RAB27B: variants seen among roughly 807,000 people sequenced by gnomAD.
The protein encoded by RAB27B is RAB27B, member RAS oncogene family, also known as ras-related protein Rab-27B.
A neutral mutation model predicts 24.6 loss-of-function variants in RAB27B; 15 were observed. That is an observed-to-expected ratio of 0.61 (90% CI 0.41 to 0.94). RAB27B has a LOEUF of 0.94. Ranked by LOEUF, RAB27B falls within the 40% of genes least tolerant of loss-of-function variation. The probability of loss-of-function intolerance (pLI) is 0.00; values close to 1 mark genes in which losing one functional copy is unlikely to be tolerated. For synonymous variants in RAB27B, 105 were observed against 92.5 expected (o/e 1.14, Z -0.78); for missense variants, 261 against 266.8 (o/e 0.98, Z 0.15).
chr18:54,872,048 G>A (rs1912490607), intron 1 of RAB27B, among the ~76,000 whole-genome samples: 1 of 152,010 alleles, frequency 6.6e-6, no homozygotes. Flanking sequence ...CTCCCCACTG[G>A]CGAGCAAGGA....
chr18:54,727,507 G>A (rs893731088), intron 2 of RAB27B, among the ~76,000 whole-genome samples: 2 of 152,154 alleles, frequency 1.3e-5, no homozygotes, highest in African/African-American at 4.8e-5. Flanking sequence ...CTTTTCAAGA[G>A]CTTCAGTTCT....
chr18:54,791,711 G>T (rs1246044517), intron 2 of RAB27B, among the ~76,000 whole-genome samples: 1 of 152,190 alleles, frequency 6.6e-6, no homozygotes, highest in African/African-American at 2.4e-5. Context: ...ATAAAAACCG[G>T]AGACCCTAGC....
rs1231170114 is a variant in RAB27B, at chr18:54,767,875, G to T, written c.-20+49734G>T. Among the ~76,000 whole-genome samples, 4 of 152,278 alleles carry T rather than the reference G, an allele frequency of 2.6e-5. No individual in the cohort carries two copies. The South Asian group carries it at 8.3e-4, about 32-fold the overall frequency. ...GTAATCAGATTGTAAAGGGATGTTT[G>T]TTCCATAAAGTTGCCTAGAATCATC... On this transcript the variant is annotated intron_variant, in intron 2 of 4. Coordinates refer to the RAB27B transcript ENST00000586570.
intron 2 of RAB27B, among the ~76,000 whole-genome samples, chr18:54,766,391 A>G (rs2145060737): frequency 6.6e-6 from 1 of 152,186 alleles, no homozygotes; most frequent in East Asian, 1.9e-4. Context: ...GATTTGGGAG[A>G]CCTGGGTTTC....
At chr18:54,845,261 C>T (rs1019499683) in intron 1 of RAB27B, among the ~76,000 whole-genome samples, 7 of 151,736 alleles carry the variant, frequency 4.6e-5, no homozygotes, top group African/African-American at 1.7e-4. Flanking sequence ...ACAAAAATTA[C>T]CCCGGTGTGG....
chr18:54,734,237 T>C (rs1456832291), intron 2 of RAB27B, among the ~76,000 whole-genome samples: 2 of 152,122 alleles, frequency 1.3e-5, no homozygotes, highest in African/African-American at 4.8e-5. Flanking sequence ...GCTAGTGGAC[T>C]GAAAGGAGCC....
chr18:54,771,858 A>G (rs1908562077), intron 2 of RAB27B, among the ~76,000 whole-genome samples: 1 of 152,156 alleles, frequency 6.6e-6, no homozygotes, highest in Non-Finnish European at 1.5e-5. Context: ...TGTGATCTGA[A>G]GACCCCAAGC....
intron 2 of RAB27B, among the ~76,000 whole-genome samples, chr18:54,776,288 G>A (rs1260833836): frequency 6.6e-6 from 1 of 152,190 alleles, no homozygotes; most frequent in Admixed American, 6.5e-5. Flanking sequence ...CAACTACCAA[G>A]TAAACCAAAC....
chr18:54,819,153 A>G (rs1266128975), intron 2 of RAB27B, among the ~76,000 whole-genome samples: 1 of 147,892 alleles, frequency 6.8e-6, no homozygotes, highest in African/African-American at 2.5e-5. Flanking sequence ...ATTATAAATA[A>G]TTATATATTA....
chr18:54,743,651 G>A (rs1910140626), intron 2 of RAB27B, among the ~76,000 whole-genome samples: 2 of 152,140 alleles, frequency 1.3e-5, no homozygotes, highest in African/African-American at 4.8e-5. Flanking sequence ...TCACATTCCA[G>A]GAAGAGCAAG....
At chr18:54,732,708 T>A (rs968087324) in intron 2 of RAB27B, among the ~76,000 whole-genome samples, 4 of 152,210 alleles carry the variant, frequency 2.6e-5, no homozygotes, top group African/African-American at 9.6e-5. Context: ...ATATTAATCA[T>A]CAATTTTAAA....
chr18:54,815,176 C>G (rs991477055), intron 2 of RAB27B, among the ~76,000 whole-genome samples: 3 of 152,186 alleles, frequency 2.0e-5, no homozygotes, highest in Non-Finnish European at 4.4e-5. Context: ...ATATTTTTCT[C>G]ATTGAAAATG....
intron 1 of RAB27B, among the ~76,000 whole-genome samples, chr18:54,867,437 CTTTTCTTT>C (rs1213212297): frequency 3.7e-5 from 2 of 54,740 alleles, no homozygotes; most frequent in Admixed American, 2.4e-4. Flanking sequence ...CTTTTCTTTT[CTTTTCTTT>C]TTTTTTTTTT....
At chr18:54,867,749 G>A (rs1314881984) in intron 1 of RAB27B, among the ~76,000 whole-genome samples, 2 of 152,012 alleles carry the variant, frequency 1.3e-5, no homozygotes, top group Non-Finnish European at 2.9e-5. Flanking sequence ...CCGGCCACCT[G>A]GTGCTTTTAT....
chr18:54,888,216 C>A, intron 5 of RAB27B, 98 bp downstream of exon 5: 1 of 1,348,184 alleles, frequency 7.4e-7, no homozygotes, highest in Non-Finnish European at 1.0e-6. Context: ...TCCCCTTAAC[C>A]AAGAACAGCA....
Position 54,877,593 on chromosome 18 carries a change from A to G in RAB27B, c.8A>G (p.Asp3Gly). 6.4e-7 allele frequency: 1 copy of G among 1,559,272 alleles called. No homozygotes were observed. Among genetic ancestry groups the G allele is most frequent in the Non-Finnish European group, 8.6e-7 (1 of 1,162,530 alleles). Residue 3 changes from aspartate to glycine, a missense_variant, in exon 2 of 6, where the codon GAT becomes GGT. Coordinates refer to ENST00000262094, the MANE Select transcript of RAB27B (RefSeq NM_004163.4). ...CCGACCAAGACCATCACTATGACCGATGGAGACTATGATTATCTGATCAAA... is the reference window on the plus strand; with the variant it reads ...CCGACCAAGACCATCACTATGACCGGTGGAGACTATGATTATCTGATCAAA... MT[D>G]GDYDYLIKLL...
At chr18:54,883,729 G>A (rs1913018826) in intron 3 of RAB27B, among the ~76,000 whole-genome samples, 1 of 151,984 alleles carries the variant, frequency 6.6e-6, no homozygotes, top group African/African-American at 2.4e-5. Flanking sequence ...TTTCTGTCCT[G>A]ACCCCCACTC....
At chr18:54,798,727 C>T (rs1361362863) in intron 2 of RAB27B, among the ~76,000 whole-genome samples, 1 of 152,216 alleles carries the variant, frequency 6.6e-6, no homozygotes, top group Non-Finnish European at 1.5e-5. Context: ...AAGTTGCTAA[C>T]ATTCAGTCAC....
At chr18:54,792,009 C>T (rs1909262854) in intron 2 of RAB27B, among the ~76,000 whole-genome samples, 1 of 152,176 alleles carries the variant, frequency 6.6e-6, no homozygotes, top group South Asian at 2.1e-4. Flanking sequence ...AATCTCCAAG[C>T]CCAGGTGTGA....
Sources: allele counts gnomAD v4.1 joint callset (sites outside exome capture counted in the v4.1 genomes callset), GRCh38; gene constraint gnomAD v4.1.1; transcripts MANE v1.5; gene names NCBI Gene and HGNC (gene_info 2026-07-23, HGNC 2026-07-21).